The following SHOC2 variants were observed in gnomAD, a reference collection of about 807,000 sequenced individuals.
SHOC2 encodes leucine-rich repeat protein SHOC-2.
SHOC2 carries 4 observed loss-of-function variants against 50.2 expected under a neutral mutation model. The observed-to-expected ratio is 0.08, with a 90% CI of 0.04 to 0.18. SHOC2 has a LOEUF of 0.18. Ranked by LOEUF, SHOC2 falls within the 10% of genes least tolerant of loss-of-function variation. SHOC2 has a pLI of 1.00. For missense variants in SHOC2, 388 were observed against 669.6 expected (o/e 0.58, Z 4.64); for synonymous variants, 218 against 244.5 (o/e 0.89, Z 1.01).
intron 1 of SHOC2, among the ~76,000 whole-genome samples, chr10:110,958,003 CTG>C (rs909641456): frequency 4.6e-5 from 7 of 152,280 alleles, no homozygotes; most frequent in Admixed American, 2.0e-4. Context: ...ACAAACTTGT[CTG>C]TAGCTGAATC....
chr10:110,984,309 A>T (rs751380323), intron 2 of SHOC2, among the ~76,000 whole-genome samples: 4 of 152,162 alleles, frequency 2.6e-5, no homozygotes, highest in Admixed American at 2.6e-4. Context: ...AGAAATATCT[A>T]TTGAAGTCCA....
At chr10:110,946,217 C>T (rs1290850534) in intron 1 of SHOC2, among the ~76,000 whole-genome samples, 1 of 151,760 alleles carries the variant, frequency 6.6e-6, no homozygotes, top group African/African-American at 2.4e-5. Context: ...ACCATGCCTT[C>T]TTTATTTTTC....
At position 110,985,759 on chromosome 10, in the gene SHOC2, A is replaced by C; in HGVS notation, c.835A>C (p.Thr279Pro). 6.2e-7 allele frequency: 1 copy of C among 1,612,906 alleles called. No individual in the cohort carries two copies. The highest frequency in any genetic ancestry group is 1.3e-5 in the African/African-American group (1 of 74,900). ...QHNELLDLPD[T>P]IGNLSSLSRL... The stretch of plus-strand genomic sequence containing the variant: ...CAATGAACTGCTAGACCTCCCAGAT[A>C]CTATAGGTATGAGAGGAGAAAGGAG... Residue 279 changes from threonine (T) to proline (P), a missense_variant, in exon 3 of 9, where the codon ACT (threonine) becomes CCT (proline). Thr to Pro is a conservative substitution (Grantham distance 38). Transcript: ENST00000369452.
intron 1 of SHOC2, among the ~76,000 whole-genome samples, chr10:110,944,656 T>G (rs1847214808): frequency 6.6e-6 from 1 of 152,238 alleles, no homozygotes; most frequent in African/African-American, 2.4e-5. Flanking sequence ...AAAATCACAT[T>G]TTGCCCTCTC....
At chr10:111,008,398 T>C (rs1250713798) in intron 6 of SHOC2, among the ~76,000 whole-genome samples, 1 of 151,890 alleles carries the variant, frequency 6.6e-6, no homozygotes, top group East Asian at 1.9e-4. Context: ...GTTTAATGGC[T>C]AAAAACATGG....
rs191322499 is a variant in SHOC2 at position 110,984,327 on chromosome 10, T to G, written c.704-1301T>G. On this transcript the variant is annotated intron_variant, in intron 2 of 8. Coordinates refer to ENST00000369452, the MANE Select transcript of SHOC2 (RefSeq NM_007373.4). The stretch of plus-strand genomic sequence containing the variant: ...AATATCTATTGAAGTCCATTGCCCA[T>G]TTTAAAATTGGCTTCTTTGAGGTTT... Among the ~76,000 whole-genome samples the G allele has an allele frequency of 3.3e-5, 5 of 152,324 alleles. No homozygotes were observed. The East Asian group carries it at 9.6e-4, about 29-fold the overall frequency.
intron 1 of SHOC2, among the ~76,000 whole-genome samples, chr10:110,928,967 T>C (rs932709209): frequency 6.6e-6 from 1 of 152,212 alleles, no homozygotes; most frequent in Admixed American, 6.5e-5. Context: ...GAAAAAACTT[T>C]CCTGGCTTTT....
intron 7 of SHOC2, 135 bp downstream of exon 7, chr10:111,009,520 G>A: frequency 1.1e-6 from 1 of 874,856 alleles, no homozygotes; most frequent in South Asian, 1.6e-5. Flanking sequence ...TGAGTTTTAT[G>A]TTCATATAAC....
chr10:110,988,952 CG>C (rs766149640), intron 3 of SHOC2: 1 of 513,554 alleles, frequency 1.9e-6, no homozygotes, highest in Non-Finnish European at 4.0e-6. Flanking sequence ...AAAGCAATCG[CG>C]GTTTTTGCTA....
At chr10:110,995,534 G>A (rs1034500698) in intron 3 of SHOC2, among the ~76,000 whole-genome samples, 1 of 152,184 alleles carries the variant, frequency 6.6e-6, no homozygotes, top group Non-Finnish European at 1.5e-5. Flanking sequence ...CAAAGTCAAT[G>A]AAGATCTTGA....
chr10:110,997,164 A>G (rs1215205806), intron 3 of SHOC2, among the ~76,000 whole-genome samples: 1 of 152,242 alleles, frequency 6.6e-6, no homozygotes, highest in Non-Finnish European at 1.5e-5. Flanking sequence ...AACCTGCAAT[A>G]TATAGTCTAA....
Position 111,007,569 on chromosome 10 carries a change from T to A in SHOC2, c.1200T>A (p.Thr400=). 1 of 1,613,774 alleles carries A rather than the reference T, an allele frequency of 6.2e-7. No homozygotes were observed. Residue 400 remains threonine, a synonymous_variant, in exon 6 of 9, where the codon ACT becomes ACA. Coordinates refer to ENST00000369452, the MANE Select transcript of SHOC2 (RefSeq NM_007373.4). ...CATCACTTCCCTTGGATTTTGGAAC[T>A]TGGACCAGTATGGTAGAATTGAATT... The part of the protein sequence containing the change: ...QLTSLPLDFG[T]WTSMVELNLA...
chr10:110,999,029 G>A (rs1487402482), intron 3 of SHOC2, among the ~76,000 whole-genome samples: 2 of 152,186 alleles, frequency 1.3e-5, no homozygotes, highest in African/African-American at 4.8e-5. Context: ...AATGATTAAA[G>A]CAAAAGGAGA....
At chr10:110,978,398 T>A (rs1847914497) in intron 2 of SHOC2, among the ~76,000 whole-genome samples, 3 of 152,228 alleles carry the variant, frequency 2.0e-5, no homozygotes. Context: ...TAAATTGCTG[T>A]TGAGTCACCT....
At chr10:110,973,599 G>A (rs1031663245) in intron 2 of SHOC2, among the ~76,000 whole-genome samples, 7 of 151,956 alleles carry the variant, frequency 4.6e-5, no homozygotes, top group African/African-American at 1.7e-4. Flanking sequence ...TTCTAGAAGG[G>A]TTTGTGCAGA....
At chr10:110,926,173 A>G (rs1222711992) in intron 1 of SHOC2, among the ~76,000 whole-genome samples, 2 of 152,108 alleles carry the variant, frequency 1.3e-5, no homozygotes, top group South Asian at 2.1e-4. Context: ...TTCCTTTTTT[A>G]TAACACTATT....
At chr10:111,007,031 A>G (rs906372335) in intron 5 of SHOC2, among the ~76,000 whole-genome samples, 1 of 152,146 alleles carries the variant, frequency 6.6e-6, no homozygotes, top group Admixed American at 6.5e-5. Context: ...TAGTGTTTTA[A>G]TGATTTAATT....
intron 2 of SHOC2, among the ~76,000 whole-genome samples, chr10:110,977,466 A>G (rs1042957805): frequency 2.0e-5 from 3 of 152,114 alleles, no homozygotes; most frequent in African/African-American, 7.2e-5. Context: ...GCTGGTCTCA[A>G]ACTCCCAACC....
At chr10:110,949,920 G>A (rs781367499) in intron 1 of SHOC2, among the ~76,000 whole-genome samples, 16 of 152,226 alleles carry the variant, frequency 1.1e-4, no homozygotes, top group East Asian at 5.8e-4. Context: ...TAGAAGGTAC[G>A]TATCTCAACA....
Sources: gnomAD v4.1 joint callset for allele counts (sites outside exome capture counted in the v4.1 genomes callset) on GRCh38, gnomAD v4.1.1 for gene constraint, MANE v1.5 for transcripts, NCBI Gene and HGNC (gene_info 2026-07-23, HGNC 2026-07-21) for gene names.